NLRP1: variants seen among roughly 807,000 people sequenced by gnomAD.
The protein encoded by NLRP1 is NLR family pyrin domain containing 1.
A neutral mutation model predicts 136.7 loss-of-function variants in NLRP1; 94 were observed. That is an observed-to-expected ratio of 0.69 (90% CI 0.58 to 0.82). The LOEUF (loss-of-function observed/expected upper bound fraction) is 0.82, where lower values mean the gene tolerates loss of function less well. NLRP1 is among the 40% of genes least tolerant of loss of function. The pLI is 0.00. For synonymous variants in NLRP1, 690 were observed against 725.1 expected, an observed-to-expected ratio of 0.95 and a Z score of 0.78; for missense variants, 1,575 against 1,802.7, an observed-to-expected ratio of 0.87 and a Z score of 2.29.
At chr17:5,501,571 CT>C (rs1218293331) in exon 16 of NLRP1, 52 of 412,166 alleles carry the variant, frequency 1.3e-4, no homozygotes, top group Middle Eastern at 6.9e-4. Flanking sequence ...TGCCTTCTTC[CT>C]TTTTTTTCTC....
At position 5,521,151 on chromosome 17, in the gene NLRP1, G is replaced by A; in HGVS notation, c.3784-139C>T. 5 of 818,280 alleles carry A rather than the reference G, an allele frequency of 6.1e-6. No individual in the cohort carries two copies. The Admixed American group carries it at 8.7e-5, about 14-fold the overall frequency. The allele number at this position is 818,280 out of a possible 1,614,324, so 50.7% of individuals were successfully genotyped here. ...CCCTGCCTCCCTCCCCCCATGCACTGCTACAGAGACAGCCCGCACTTGGTC... is the reference window on the plus strand; with the variant it reads ...CCCTGCCTCCCTCCCCCCATGCACTACTACAGAGACAGCCCGCACTTGGTC... On this transcript the variant is annotated intron_variant, in intron 13 of 16. Coordinates refer to ENST00000572272, the MANE Select transcript of NLRP1 (RefSeq NM_033004.4).
chr17:5,553,400 G>A lies in NLRP1; in HGVS notation c.2514C>T (p.Leu838=), dbSNP rs759642955. Residue 838 remains leucine (L), a synonymous_variant, in exon 5 of 17, where the codon CTC becomes CTT. Coordinates refer to ENST00000572272, the MANE Select transcript of NLRP1 (RefSeq NM_033004.4). Reference sequence around the variant, plus strand: ...GCCAGACTCACCGCAGGGTCTCCAGGAGGCAGCGAGGGCGTCTCAGGGTCT... The same window carrying A: ...GCCAGACTCACCGCAGGGTCTCCAGAAGGCAGCGAGGGCGTCTCAGGGTCT... ...LCKTLRRPRC[L]LETLRLAGCG... 1.9e-6 allele frequency: 3 copies of A among 1,613,138 alleles called. No individual in the cohort carries two copies. In the East Asian group the frequency reaches 6.7e-5, roughly 36 times the overall value.
intron 15 of NLRP1, among the ~76,000 whole-genome samples, chr17:5,508,555 G>T (rs1375644624): frequency 6.6e-6 from 1 of 152,302 alleles, no homozygotes; most frequent in Admixed American, 6.5e-5. Flanking sequence ...ATAACGAAAA[G>T]CTCTCTGCAG....
chr17:5,576,483 G>A (rs576228971), intron 3 of NLRP1, among the ~76,000 whole-genome samples: 1 of 152,270 alleles, frequency 6.6e-6, no homozygotes, highest in South Asian at 2.1e-4. Context: ...TACCATCAGA[G>A]AATACTATAA....
rs748851634 is a variant in NLRP1 at position 5,515,036 on chromosome 17, G to A, written c.4140C>T (p.His1380=). The part of the protein sequence containing the change: ...PSPLDAPQLL[H]FVDQYREQLI... The stretch of plus-strand genomic sequence containing the variant: ...GCTGCTCTCGATACTGGTCCACAAA[G>A]TGCAGCAACTGCGGGGCATCCAGAG... Residue 1380 remains histidine, a synonymous_variant, in exon 17 of 17, where the codon CAC becomes CAT. Transcript: ENST00000572272. The A allele has an allele frequency of 1.2e-6, 2 of 1,614,212 alleles. No individual in the cohort carries two copies. Among genetic ancestry groups the A allele is most frequent in the Admixed American group, 3.3e-5 (2 of 60,032 alleles).
chr17:5,515,359 CTT>C, intron 16 of NLRP1, 112 bp downstream of exon 16: 2 of 948,982 alleles, frequency 2.1e-6, no homozygotes, highest in South Asian at 1.4e-5. Context: ...GGGCCTGACT[CTT>C]TGTGAGGTTT....
intron 12 of NLRP1, among the ~76,000 whole-genome samples, chr17:5,528,660 A>C (rs1481545153): frequency 6.6e-6 from 1 of 152,078 alleles, no homozygotes; most frequent in African/African-American, 2.4e-5. Context: ...CTTCTAAATA[A>C]TTTTTCTTAT....
intron 8 of NLRP1, among the ~76,000 whole-genome samples, chr17:5,535,340 G>T (rs1910907523): frequency 6.6e-6 from 1 of 152,160 alleles, no homozygotes; most frequent in African/African-American, 2.4e-5. Context: ...TGCTCATGCT[G>T]CTGGTCCACG....
rs1911580513 is a variant in NLRP1, at chr17:5,539,543, C to A, written c.2742G>T (p.Leu914=). 2.5e-6 allele frequency: 4 copies of A among 1,613,652 alleles called. No individual in the cohort carries two copies. The highest frequency in any genetic ancestry group is 3.4e-6 in the Non-Finnish European group (4 of 1,179,852). ...CGLTSDCCQD[L]ASVLSASPSL... ...TGGGGCTGGCACTAAGCACAGAGGC[C>A]AGGTCCTGGCAGCAGTCAGACGTGA... is the stretch of plus-strand genomic sequence containing the variant. Residue 914 remains leucine (L), a synonymous_variant, in exon 7 of 17, where the codon CTG becomes CTT. Coordinates refer to ENST00000572272, the MANE Select transcript of NLRP1 (RefSeq NM_033004.4).
At chr17:5,517,227 G>C (rs1342420017) in intron 15 of NLRP1, among the ~76,000 whole-genome samples, 2 of 151,960 alleles carry the variant, frequency 1.3e-5, no homozygotes, top group Non-Finnish European at 1.5e-5. Flanking sequence ...ATTTTAGAGG[G>C]TCAGATTGAG....
At chr17:5,552,120 AG>A (rs1913453765) in intron 5 of NLRP1, among the ~76,000 whole-genome samples, 1 of 130,990 alleles carries the variant, frequency 7.6e-6, no homozygotes, top group Non-Finnish European at 1.6e-5. Context: ...TTTTTTAAAT[AG>A]AAGTATTTAT....
chr17:5,584,042 G>T lies in NLRP1; in HGVS notation c.-85C>A. 2 of 1,344,408 alleles carry T rather than the reference G, an allele frequency of 1.5e-6. No homozygotes were observed. Among genetic ancestry groups the T allele is most frequent in the Non-Finnish European group, 2.0e-6 (2 of 988,612 alleles). 83.3% of individuals were successfully genotyped at this position (1,344,408 alleles called of 1,614,324 possible). ...CAGGCAGAGAACAGTGCTGTCCTTT[G>T]CCTTGGCTCTTACCGTCTCTTATTC... On this transcript the variant is annotated 5_prime_UTR_variant, in exon 1 of 17. Coordinates refer to ENST00000572272, the MANE Select transcript of NLRP1 (RefSeq NM_033004.4).
intron 3 of NLRP1, among the ~76,000 whole-genome samples, chr17:5,574,956 G>A (rs534023185): frequency 1.3e-5 from 2 of 152,070 alleles, no homozygotes; most frequent in African/African-American, 4.8e-5. Flanking sequence ...GAGCCACCAC[G>A]CCTGGCAATA....
intron 5 of NLRP1, 42 bp from the exon 6 acceptor site, chr17:5,542,069 G>A: frequency 6.3e-7 from 1 of 1,583,872 alleles, no homozygotes; most frequent in Non-Finnish European, 8.6e-7. Context: ...TTACTCACCT[G>A]TTGATTCAAC....
downstream of NLRP1, among the ~76,000 whole-genome samples, chr17:5,510,049 G>C (rs1392034229): frequency 1.3e-5 from 2 of 150,800 alleles, no homozygotes; most frequent in Non-Finnish European, 2.9e-5. Context: ...TATTCAAAAA[G>C]ATCTTTCTTC....
Position 5,559,352 on chromosome 17 carries a change from T to C in NLRP1, c.1344A>G (p.Ile448Met). Residue 448 changes from isoleucine to methionine, a missense_variant, in exon 4 of 17, where the codon ATA becomes ATG. Physicochemically the swap from Ile to Met is conservative, Grantham distance 10. Coordinates refer to ENST00000572272, the MANE Select transcript of NLRP1 (RefSeq NM_033004.4). Reference sequence around the variant, plus strand: ...TGATCAGGAAGGATGCCTCGGGAAGTATAGTTTTCCCCAGCAAACTGCCCA... The same window carrying C: ...TGATCAGGAAGGATGCCTCGGGAAGCATAGTTTTCCCCAGCAAACTGCCCA... The part of the protein sequence containing the change: ...ALLGSLLGKT[I>M]LPEASFLITA... 6.2e-7 allele frequency: 1 copy of C among 1,613,938 alleles called. No individual in the cohort carries two copies. Among genetic ancestry groups the C allele is most frequent in the South Asian group, 1.1e-5 (1 of 91,068 alleles).
chr17:5,531,163 TA>T (rs1312479047), intron 11 of NLRP1, among the ~76,000 whole-genome samples: 38 of 143,830 alleles, frequency 2.6e-4, no homozygotes, highest in South Asian at 6.8e-4. Flanking sequence ...TCTATCTATC[TA>T]ATCTATCTAA....
At chr17:5,545,347 C>G (rs12940732) in intron 5 of NLRP1, among the ~76,000 whole-genome samples, 29 of 141,180 alleles carry the variant, frequency 2.1e-4, no homozygotes, top group Admixed American at 3.5e-4. Context: ...GACACACACA[C>G]ACACACACAC....
At chr17:5,501,811 G>C in exon 16 of NLRP1, 1 of 1,613,242 alleles carries the variant, frequency 6.2e-7, no homozygotes, top group Non-Finnish European at 8.5e-7. Flanking sequence ...AGGCTGCTGG[G>C]CACTAGTATC....
Sources: gnomAD v4.1 joint callset for allele counts (sites outside exome capture counted in the v4.1 genomes callset) on GRCh38, gnomAD v4.1.1 for gene constraint, MANE v1.5 for transcripts, NCBI Gene and HGNC (gene_info 2026-07-23, HGNC 2026-07-21) for gene names.